Variants in ARHGAP39 observed in about 807,000 individuals in gnomAD.
ARHGAP39 encodes the protein Rho GTPase activating protein 39, also known as rho GTPase-activating protein 39.
In ARHGAP39, 44 loss-of-function variants were observed where a neutral mutation model predicts 106.9. That is an observed-to-expected ratio of 0.41 (90% CI 0.32 to 0.53). The LOEUF is 0.53. Ranked by LOEUF, ARHGAP39 falls within the 20% of genes least tolerant of loss-of-function variation. The pLI is 0.21. For missense variants in ARHGAP39, 1,496 were observed against 1,577.3 expected (o/e 0.95, Z 0.87); for synonymous variants, 768 against 693.2 (o/e 1.11, Z -1.69).
chr8:144,613,531 C>A (rs1820548866), intron 1 of ARHGAP39, among the ~76,000 whole-genome samples: 1 of 151,842 alleles, frequency 6.6e-6, no homozygotes, highest in Non-Finnish European at 1.5e-5. Flanking sequence ...ACACACTACA[C>A]CATTGTCTTC....
At chr8:144,699,756 A>T in the ARHGAP39 span, among the ~76,000 whole-genome samples, 9 of 151,944 alleles carry the variant, frequency 5.9e-5, no homozygotes, top group Admixed American at 5.2e-4. Flanking sequence ...TTGGGTAGGA[A>T]AGCGGGCTTC....
At chr8:144,698,756 G>T in the ARHGAP39 span, 1 of 451,926 alleles carries the variant, frequency 2.2e-6, no homozygotes. Context: ...CCTTTTCCAT[G>T]AGTGTCCTTG....
At chr8:144,601,546 G>A (rs1224131557) in intron 2 of ARHGAP39, among the ~76,000 whole-genome samples, 1 of 142,762 alleles carries the variant, frequency 7.0e-6, no homozygotes, top group Admixed American at 6.9e-5. Flanking sequence ...GTGCATGGAG[G>A]CGTGCGTGCG....
chr8:144,600,093 G>A, intron 2 of ARHGAP39, among the ~76,000 whole-genome samples: 1 of 152,104 alleles, frequency 6.6e-6, no homozygotes, highest in East Asian at 1.9e-4. Context: ...GGAGGCATGT[G>A]TGCGCACTTG....
At chr8:144,602,519 C>A (rs1368680767) in intron 2 of ARHGAP39, among the ~76,000 whole-genome samples, 12 of 105,816 alleles carry the variant, frequency 1.1e-4, no homozygotes, top group Non-Finnish European at 2.0e-4. Context: ...TGGAGGCGTG[C>A]ATGTGTGCTC....
chr8:144,554,026 C>T (rs1817822182), intron 4 of ARHGAP39, among the ~76,000 whole-genome samples: 1 of 152,244 alleles, frequency 6.6e-6, no homozygotes, highest in Non-Finnish European at 1.5e-5. Flanking sequence ...TACTCGTGGT[C>T]TGAACAGGGA....
At chr8:144,596,122 G>T (rs1386356050) in intron 2 of ARHGAP39, among the ~76,000 whole-genome samples, 1 of 152,142 alleles carries the variant, frequency 6.6e-6, no homozygotes, top group African/African-American at 2.4e-5. Flanking sequence ...CCACATGACC[G>T]GAACCCAACG....
chr8:144,561,795 C>T (rs575179287), intron 3 of ARHGAP39, among the ~76,000 whole-genome samples: 5 of 149,260 alleles, frequency 3.3e-5, no homozygotes, highest in East Asian at 2.0e-4. Flanking sequence ...TGGTTTCCAT[C>T]GGACCCCAGT....
At chr8:144,561,756 T>A (rs1470176942) in intron 3 of ARHGAP39, among the ~76,000 whole-genome samples, 8 of 148,752 alleles carry the variant, frequency 5.4e-5, no homozygotes, top group Non-Finnish European at 1.5e-5. Context: ...TCGGACTTAA[T>A]CCAGTGGTTT....
rs1436587178 is a variant in ARHGAP39 at position 144,684,913 on chromosome 8, G to C, written c.-82+773C>G. Among the ~76,000 whole-genome samples the C allele has an allele frequency of 1.3e-5, 2 of 152,206 alleles. No individual in the cohort carries two copies. The highest frequency in any genetic ancestry group is 2.9e-5 in the Non-Finnish European group (2 of 68,022). On this transcript the variant is annotated intron_variant, in intron 1 of 11. Coordinates refer to ENST00000377307, the MANE Select transcript of ARHGAP39 (RefSeq NM_025251.3). This position sits in a 1 kb window ranked among gnomAD's most constrained non-coding sequence, Gnocchi z 4.4. ...CCGCTCCCTGCGCCCCGGGGACAAAGCCCGAGGCTGCACCGCAGCGCACCG... is the reference window on the plus strand; with the variant it reads ...CCGCTCCCTGCGCCCCGGGGACAAACCCCGAGGCTGCACCGCAGCGCACCG...
upstream of ARHGAP39, among the ~76,000 whole-genome samples, chr8:144,686,074 C>T (rs968257790): frequency 6.6e-6 from 1 of 151,990 alleles, no homozygotes; most frequent in African/African-American, 2.4e-5. Flanking sequence ...GCGGACCTAC[C>T]CTGTGAGTTA....
chr8:144,541,245 G>A (rs1253321785), intron 6 of ARHGAP39, among the ~76,000 whole-genome samples: 1 of 152,236 alleles, frequency 6.6e-6, no homozygotes, highest in Non-Finnish European at 1.5e-5. Context: ...GAGCTTCTAA[G>A]GGTTTGCTGC....
At chr8:144,613,489 A>C (rs570798868) in intron 1 of ARHGAP39, among the ~76,000 whole-genome samples, 136 of 146,674 alleles carry the variant, frequency 9.3e-4, no homozygotes, top group African/African-American at 3.3e-3. Context: ...CTTGGTGGAC[A>C]GTTTTTTTTT....
intron 4 of ARHGAP39, among the ~76,000 whole-genome samples, chr8:144,554,659 G>A (rs1041407456): frequency 6.6e-6 from 1 of 152,196 alleles, no homozygotes; most frequent in Non-Finnish European, 1.5e-5. Flanking sequence ...TCACTCTGCA[G>A]TGACCACTGA....
rs189753453 is a variant in ARHGAP39, at chr8:144,539,135, C to T, written c.2522-1322G>A. Among the ~76,000 whole-genome samples, 10 of 152,244 alleles carry T rather than the reference C, an allele frequency of 6.6e-5. No homozygotes were observed. The East Asian group carries it at 1.9e-3, about 29-fold the overall frequency. On this transcript the variant is annotated intron_variant, in intron 6 of 11. Coordinates refer to ENST00000377307, the MANE Select transcript of ARHGAP39 (RefSeq NM_025251.3). ...ATTTAGAAACCAAGATCTGGGTGTGCGATGTGCTTACTGCTGCCAGGAAAC... is the reference window on the plus strand; with the variant it reads ...ATTTAGAAACCAAGATCTGGGTGTGTGATGTGCTTACTGCTGCCAGGAAAC...
chr8:144,532,248 C>T (rs899794362), intron 10 of ARHGAP39, 57 bp downstream of exon 10: 103 of 1,558,008 alleles, frequency 6.6e-5, no homozygotes, highest in Non-Finnish European at 8.5e-5. Context: ...ACAGGGGCCC[C>T]TGAGAACCAC....
intron 1 of ARHGAP39, among the ~76,000 whole-genome samples, chr8:144,635,681 G>A (rs1821155621): frequency 6.6e-6 from 1 of 152,222 alleles, no homozygotes; most frequent in Non-Finnish European, 1.5e-5. Flanking sequence ...CGCTTACCCG[G>A]TGGGATCTGA....
rs1259334802 is a variant in ARHGAP39 at position 144,670,950 on chromosome 8, T to C, written c.-82+14736A>G. Among the ~76,000 whole-genome samples the C allele has an allele frequency of 1.3e-5, 2 of 152,188 alleles. No individual in the cohort carries two copies. Among genetic ancestry groups the C allele is most frequent in the Admixed American group, 1.3e-4 (2 of 15,278 alleles). On this transcript the variant is annotated intron_variant, in intron 1 of 11. Coordinates refer to ENST00000377307, the MANE Select transcript of ARHGAP39 (RefSeq NM_025251.3). The surrounding 1 kb of genome is among the most constrained non-coding windows in gnomAD (Gnocchi z 4.4). ...GCACGACCACCTAATCCAGCTCTGATGACGCTGCCTGGTGCTGCTCCCTCC... is the reference window on the plus strand; with the variant it reads ...GCACGACCACCTAATCCAGCTCTGACGACGCTGCCTGGTGCTGCTCCCTCC...
At chr8:144,627,709 A>T (rs1563715020) in intron 1 of ARHGAP39, among the ~76,000 whole-genome samples, 3 of 152,076 alleles carry the variant, frequency 2.0e-5, no homozygotes, top group Non-Finnish European at 4.4e-5. Context: ...AGTGAGCCGA[A>T]ATGGTGCCAC....
Sources: gnomAD v4.1 joint callset for allele counts (sites outside exome capture counted in the v4.1 genomes callset) on GRCh38, gnomAD v4.1.1 for gene constraint, Gnocchi (gnomAD v3.1) non-coding constraint, MANE v1.5 for transcripts, NCBI Gene and HGNC (gene_info 2026-07-23, HGNC 2026-07-21) for gene names.